TES: variants seen among roughly 807,000 people sequenced by gnomAD.
TES encodes the protein testin.
In TES, 41 loss-of-function variants were observed where a neutral mutation model predicts 48.2. The observed-to-expected ratio is 0.85, with a 90% CI of 0.66 to 1.10. TES has a LOEUF of 1.10. TES is among the 50% of genes least tolerant of loss of function. The pLI, the probability that TES is intolerant of heterozygous loss-of-function variation, is 0.00. For synonymous variants in TES, 162 were observed against 174.9 expected (o/e 0.93, Z 0.58); for missense variants, 463 against 515.1 (o/e 0.90, Z 0.98).
chr7:116,243,176 T>C (rs1050014278), intron 2 of TES, among the ~76,000 whole-genome samples: 2 of 152,210 alleles, frequency 1.3e-5, no homozygotes, highest in African/African-American at 2.4e-5. Context: ...CTATAAATTA[T>C]TTAGTTATCT....
At chr7:116,233,148 A>G (rs1459276584) in intron 1 of TES, among the ~76,000 whole-genome samples, 3 of 152,218 alleles carry the variant, frequency 2.0e-5, no homozygotes, top group East Asian at 1.9e-4. Context: ...TACTCTAGGC[A>G]CTAACCAGTA....
At chr7:116,236,080 C>T (rs1248790501) in intron 2 of TES, among the ~76,000 whole-genome samples, 1 of 152,104 alleles carries the variant, frequency 6.6e-6, no homozygotes, top group South Asian at 2.1e-4. Context: ...ATAGAAGTGG[C>T]AGTATGTCTC....
At chr7:116,235,025 A>G (rs1584618594) in intron 2 of TES, among the ~76,000 whole-genome samples, 1 of 152,080 alleles carries the variant, frequency 6.6e-6, no homozygotes, top group African/African-American at 2.4e-5. Flanking sequence ...GCTCACTGCA[A>G]CCTCCGCTTC....
At chr7:116,253,838 T>TGGTGCGTGTGTGGGTGGGTGTGTGGG (rs1800054197) in intron 6 of TES, among the ~76,000 whole-genome samples, 1 of 151,930 alleles carries the variant, frequency 6.6e-6, no homozygotes, top group South Asian at 2.1e-4. Flanking sequence ...ATGTTCCCAA[T>TGGTGCGTGTGTGGGTGGGTGTGTGGG]GGTGTGTGTG....
rs1799740381 is a variant in TES at position 116,234,522 on chromosome 7, T to C, written c.28-12T>C. The C allele has an allele frequency of 6.2e-7, 1 of 1,609,050 alleles. No individual in the cohort carries two copies. Among genetic ancestry groups the C allele is most frequent in the Non-Finnish European group, 8.5e-7 (1 of 1,177,610 alleles). ...ATCTAATAACAGATTCATGATGTTT[T>C]CTTTTTAACAGATGGGCTTAGGTCA... On this transcript the variant is annotated splice_polypyrimidine_tract_variant and intron_variant, in intron 1 of 6. Transcript: ENST00000358204.
At chr7:116,218,081 G>A (rs1236559489) in intron 1 of TES, 8 of 388,052 alleles carry the variant, frequency 2.1e-5, no homozygotes, top group South Asian at 3.7e-5. Flanking sequence ...GTGGGAGAGC[G>A]TTATTAGAAG....
intron 6 of TES, 91 bp from the exon 7 acceptor site, chr7:116,257,203 A>G (rs1800112526): frequency 1.5e-6 from 2 of 1,358,258 alleles, no homozygotes; most frequent in African/African-American, 2.9e-5. Context: ...ATGAGTTTTA[A>G]TTTATCATCT....
rs904701585 is a variant in TES, at chr7:116,257,639, T to G, written c.*157T>G. ...TTTTTGGCCATTTTTTCTTCATCAATTTTTTTTCGGTCTCAACTTTTAAAC... is the reference window on the plus strand; with the variant it reads ...TTTTTGGCCATTTTTTCTTCATCAAGTTTTTTTCGGTCTCAACTTTTAAAC... On this transcript the variant is annotated 3_prime_UTR_variant, in exon 7 of 7. Transcript: ENST00000358204. The G allele has an allele frequency of 1.1e-4, 36 of 313,358 alleles. No individual in the cohort carries two copies. In the African/African-American group the frequency reaches 1.4e-3, roughly 12 times the overall value. The allele number at this position is 313,358 out of a possible 1,614,324, so 19.4% of individuals were successfully genotyped here. A position where few individuals can be genotyped will look rare whatever the true frequency, so the allele number is the denominator to read the frequency against.
chr7:116,217,125 C>T (rs893565406), intron 1 of TES, among the ~76,000 whole-genome samples: 1 of 152,036 alleles, frequency 6.6e-6, no homozygotes, highest in African/African-American at 2.4e-5. Context: ...GAATTATACC[C>T]GTCAGTGAAC....
At chr7:116,256,311 C>A (rs1040101704) in intron 6 of TES, among the ~76,000 whole-genome samples, 2 of 144,034 alleles carry the variant, frequency 1.4e-5, no homozygotes, top group Admixed American at 1.4e-4. Context: ...TGTTCCCACC[C>A]CTTATCCCTC....
chr7:116,213,666 T>C (rs1799463086), intron 1 of TES, among the ~76,000 whole-genome samples: 1 of 152,232 alleles, frequency 6.6e-6, no homozygotes, highest in Admixed American at 6.5e-5. Context: ...TTTTGTTTTG[T>C]TTGAAGAAAG....
At chr7:116,250,881 T>C (rs527943907) in intron 4 of TES, among the ~76,000 whole-genome samples, 1 of 152,350 alleles carries the variant, frequency 6.6e-6, no homozygotes, top group Non-Finnish European at 1.5e-5. Context: ...TCAGTTTTGC[T>C]TGTGAGAACG....
At chr7:116,228,911 CTG>C (rs1326999069) in intron 1 of TES, among the ~76,000 whole-genome samples, 1 of 150,728 alleles carries the variant, frequency 6.6e-6, no homozygotes, top group Admixed American at 6.6e-5. Flanking sequence ...CAGTGACACT[CTG>C]TGACCAGAAC....
At chr7:116,236,662 G>A (rs1204240423) in intron 2 of TES, among the ~76,000 whole-genome samples, 1 of 152,164 alleles carries the variant, frequency 6.6e-6, no homozygotes, top group Non-Finnish European at 1.5e-5. Flanking sequence ...AGATTTTAAA[G>A]CTCATTCCTA....
At chr7:116,219,513 A>G (rs1053070741) in intron 1 of TES, among the ~76,000 whole-genome samples, 4 of 152,098 alleles carry the variant, frequency 2.6e-5, no homozygotes, top group Non-Finnish European at 5.9e-5. Flanking sequence ...TGGGACCACA[A>G]TGTTGCCAGG....
At chr7:116,234,643 A>T (rs200810081) in intron 2 of TES, 24 bp downstream of exon 2, 41 of 1,584,424 alleles carry the variant, frequency 2.6e-5, no homozygotes, top group Admixed American at 1.2e-4. Context: ...AACTGCAACC[A>T]CATTAGTAAT....
chr7:116,243,364 T>TA (rs1799874618), intron 2 of TES, among the ~76,000 whole-genome samples: 1 of 152,190 alleles, frequency 6.6e-6, no homozygotes, highest in Admixed American at 6.5e-5. Context: ...CACCACTCCC[T>TA]ACTCCTCTGT....
At chr7:116,237,446 T>C (rs1477663177) in intron 2 of TES, among the ~76,000 whole-genome samples, 1 of 152,130 alleles carries the variant, frequency 6.6e-6, no homozygotes, top group Non-Finnish European at 1.5e-5. Context: ...AACCCTAACA[T>C]CTGGCCTCTG....
chr7:116,220,077 G>A (rs925330916), intron 1 of TES, among the ~76,000 whole-genome samples: 14 of 152,032 alleles, frequency 9.2e-5, no homozygotes, highest in African/African-American at 2.9e-4. Flanking sequence ...AGTTGCCTAA[G>A]GTTTTGAAGG....
Sources: allele counts gnomAD v4.1 joint callset (sites outside exome capture counted in the v4.1 genomes callset), GRCh38; gene constraint gnomAD v4.1.1; transcripts MANE v1.5; gene names NCBI Gene and HGNC (gene_info 2026-07-23, HGNC 2026-07-21).